Variants in CCDC85A observed in about 807,000 individuals in gnomAD.
CCDC85A encodes coiled-coil domain-containing protein 85A.
CCDC85A carries 38 observed loss-of-function variants against 50.2 expected under a neutral mutation model. That is an observed-to-expected ratio of 0.76 (90% CI 0.58 to 0.99). The LOEUF (loss-of-function observed/expected upper bound fraction) is 0.99, where lower values mean the gene tolerates loss of function less well. CCDC85A is among the 50% of genes least tolerant of loss of function. The pLI is 0.00. For missense variants in CCDC85A, 820 were observed against 742.0 expected, an observed-to-expected ratio of 1.11 and a Z score of -1.22; for synonymous variants, 366 against 301.4, an observed-to-expected ratio of 1.21 and a Z score of -2.22.
At chr2:56,272,055 G>C (rs555248649) in intron 2 of CCDC85A, among the ~76,000 whole-genome samples, 1 of 152,138 alleles carries the variant, frequency 6.6e-6, no homozygotes, top group Non-Finnish European at 1.5e-5. Context: ...GTGAGACTAA[G>C]AAGATGGTAA....
intron 2 of CCDC85A, among the ~76,000 whole-genome samples, chr2:56,328,451 G>T (rs180865467): frequency 2.0e-3 from 309 of 152,248 alleles, no homozygotes; most frequent in African/African-American, 7.1e-3. Flanking sequence ...TCTGTCGTCA[G>T]ACCCTTCTCC....
intron 2 of CCDC85A, among the ~76,000 whole-genome samples, chr2:56,263,864 G>T (rs999582292): frequency 1.3e-5 from 2 of 152,080 alleles, no homozygotes; most frequent in East Asian, 3.9e-4. Context: ...TTTAGTCCTT[G>T]GCCTTCTTCC....
At chr2:56,305,418 A>G (rs1433852656) in intron 2 of CCDC85A, among the ~76,000 whole-genome samples, 1 of 152,208 alleles carries the variant, frequency 6.6e-6, no homozygotes, top group Non-Finnish European at 1.5e-5. Context: ...CTAGTAAGAC[A>G]TAAAGTGGAG....
chr2:56,304,094 T>C (rs921125735), intron 2 of CCDC85A, among the ~76,000 whole-genome samples: 3 of 152,338 alleles, frequency 2.0e-5, no homozygotes, highest in African/African-American at 7.2e-5. Flanking sequence ...GCAACTGTGA[T>C]TGTTCCTTGC....
intron 2 of CCDC85A, among the ~76,000 whole-genome samples, chr2:56,260,411 C>T (rs1169545217): frequency 3.3e-5 from 5 of 152,206 alleles, no homozygotes. Flanking sequence ...ATGTTTGCCA[C>T]TGTCCATAAT....
chr2:56,311,845 C>A (rs1231899196), intron 2 of CCDC85A, among the ~76,000 whole-genome samples: 1 of 152,088 alleles, frequency 6.6e-6, no homozygotes, highest in East Asian at 1.9e-4. Context: ...ATTTCTGCTC[C>A]TCAAAGGGTT....
chr2:56,362,259 T>A (rs1411990577), intron 3 of CCDC85A, among the ~76,000 whole-genome samples: 1 of 152,052 alleles, frequency 6.6e-6, no homozygotes, highest in Non-Finnish European at 1.5e-5. Flanking sequence ...TAGGCAAGAC[T>A]GTGAGGAACA....
At chr2:56,249,209 G>A (rs149884950) in intron 2 of CCDC85A, among the ~76,000 whole-genome samples, 2 of 152,242 alleles carry the variant, frequency 1.3e-5, no homozygotes, top group Non-Finnish European at 2.9e-5. Context: ...GGAGGAAGTG[G>A]CTGTCACTAT....
intron 1 of CCDC85A, among the ~76,000 whole-genome samples, chr2:56,191,100 C>G (rs916882480): frequency 6.6e-6 from 1 of 152,200 alleles, no homozygotes; most frequent in Non-Finnish European, 1.5e-5. Flanking sequence ...TACTTGCCCT[C>G]TCCCTGCCTG....
At chr2:56,227,269 C>G (rs1668581864) in intron 2 of CCDC85A, among the ~76,000 whole-genome samples, 1 of 152,090 alleles carries the variant, frequency 6.6e-6, no homozygotes, top group Non-Finnish European at 1.5e-5. Context: ...TTTCTATACC[C>G]TTTCTATACA....
At chr2:56,332,732 G>A (rs933619731) in intron 2 of CCDC85A, among the ~76,000 whole-genome samples, 4 of 133,826 alleles carry the variant, frequency 3.0e-5, no homozygotes, top group Non-Finnish European at 6.1e-5. Context: ...TTTTGAGCCT[G>A]GTGAACACTT....
chr2:56,312,980 T>A (rs1194253123), intron 2 of CCDC85A, among the ~76,000 whole-genome samples: 3 of 152,190 alleles, frequency 2.0e-5, no homozygotes, highest in Non-Finnish European at 4.4e-5. Context: ...TAAAAATGCT[T>A]CTATATGCAT....
intron 2 of CCDC85A, among the ~76,000 whole-genome samples, chr2:56,199,621 A>G (rs183974672): frequency 1.4e-3 from 206 of 152,124 alleles, no homozygotes; most frequent in Non-Finnish European, 2.4e-3. Context: ...TAGTACTGCC[A>G]TGATGTCAGC....
intron 2 of CCDC85A, among the ~76,000 whole-genome samples, chr2:56,204,276 A>G (rs929280679): frequency 3.3e-5 from 5 of 152,226 alleles, no homozygotes; most frequent in African/African-American, 1.2e-4. Context: ...CATACCGATA[A>G]CATTGTATTC....
At chr2:56,222,573 C>T (rs1012145857) in intron 2 of CCDC85A, among the ~76,000 whole-genome samples, 1 of 152,216 alleles carries the variant, frequency 6.6e-6, no homozygotes, top group African/African-American at 2.4e-5. Flanking sequence ...GATGTACAGG[C>T]CCTCCAGCTA....
Position 56,237,230 on chromosome 2 carries a change from T to G in CCDC85A, c.1240+43790T>G, listed in dbSNP as rs114996025. 3.9e-3 allele frequency among the ~76,000 whole-genome samples: 590 copies of G among 152,260 alleles called. 2 individuals carry two copies. Among genetic ancestry groups the G allele is most frequent in the African/African-American group, 0.014 (570 of 41,538 alleles). ...CTCATTCACTTCCACCAAAGTCAGA[T>G]ATCCTCTTTAGATTACTGGCGTGTC... On this transcript the variant is annotated intron_variant, in intron 2 of 5. Coordinates refer to ENST00000407595, the MANE Select transcript of CCDC85A (RefSeq NM_001080433.2).
intron 2 of CCDC85A, among the ~76,000 whole-genome samples, chr2:56,341,399 G>T (rs565996689): frequency 6.6e-6 from 1 of 152,142 alleles, no homozygotes; most frequent in South Asian, 2.1e-4. Flanking sequence ...ATTCTTGGTG[G>T]GTGGGCTTGC....
chr2:56,371,136 A>T (rs1477565780), intron 3 of CCDC85A, among the ~76,000 whole-genome samples: 1 of 152,152 alleles, frequency 6.6e-6, no homozygotes, highest in Non-Finnish European at 1.5e-5. Flanking sequence ...AATTATCATT[A>T]TGACCCAAGT....
At chr2:56,227,665 G>C (rs1255800387) in intron 2 of CCDC85A, among the ~76,000 whole-genome samples, 1 of 151,954 alleles carries the variant, frequency 6.6e-6, no homozygotes, top group Non-Finnish European at 1.5e-5. Context: ...TGTTTCTCCA[G>C]GAAGCCTTCC....
Sources: gnomAD v4.1 joint callset for allele counts (sites outside exome capture counted in the v4.1 genomes callset) on GRCh38, gnomAD v4.1.1 for gene constraint, MANE v1.5 for transcripts, NCBI Gene and HGNC (gene_info 2026-07-23, HGNC 2026-07-21) for gene names.